STK36: variants seen among roughly 807,000 people sequenced by gnomAD.
The protein encoded by STK36 is serine/threonine-protein kinase 36.
A neutral mutation model predicts 142.2 loss-of-function variants in STK36; 116 were observed. The observed-to-expected ratio is 0.82, with a 90% CI of 0.70 to 0.95. The LOEUF (loss-of-function observed/expected upper bound fraction) is 0.95, where lower values mean the gene tolerates loss of function less well. Ranked by LOEUF, STK36 falls within the 40% of genes least tolerant of loss-of-function variation. STK36 has a pLI of 0.00. For synonymous variants in STK36, 619 were observed against 641.7 expected (o/e 0.96, Z 0.53); for missense variants, 1,422 against 1,617.2 (o/e 0.88, Z 2.07).
intron 12 of STK36, 101 bp from the exon 13 acceptor site, chr2:218,689,758 A>T: frequency 9.6e-7 from 1 of 1,043,388 alleles, no homozygotes. Context: ...TTTCTGTTTG[A>T]TCAACTTGAC....
At chr2:218,676,530 C>T (rs142695193) in intron 6 of STK36, among the ~76,000 whole-genome samples, 3 of 151,558 alleles carry the variant, frequency 2.0e-5, no homozygotes, top group African/African-American at 4.8e-5. Context: ...CCTCAGGAAA[C>T]TTACAATCAT....
At position 218,698,242 on chromosome 2, in the gene STK36, T is replaced by A. The variant is rs116717849; in HGVS notation, c.3057+241T>A. ...CATCACCTGGTTCTGTTGGTGCTCATTGGGGAGAACATCCTAGTCTAGGCA... is the reference window on the plus strand; with the variant it reads ...CATCACCTGGTTCTGTTGGTGCTCAATGGGGAGAACATCCTAGTCTAGGCA... On this transcript the variant is annotated intron_variant, in intron 25 of 26. Coordinates refer to ENST00000295709, the MANE Select transcript of STK36 (RefSeq NM_015690.5). Among the ~76,000 whole-genome samples, 1,039 of 152,292 alleles carry A rather than the reference T, an allele frequency of 6.8e-3. 14 individuals are homozygous for A. Among genetic ancestry groups the A allele is most frequent in the African/African-American group, 0.024 (1,000 of 41,564 alleles).
rs186634775 is a variant in STK36 at position 218,680,200 on chromosome 2, C to G, written c.1136+120C>G. The G allele has an allele frequency of 2.3e-4, 218 of 933,306 alleles. No individual in the cohort carries two copies. The African/African-American group carries it at 3.2e-3, about 14-fold the overall frequency. 57.8% of individuals were successfully genotyped at this position (933,306 alleles called of 1,614,324 possible). Reference sequence around the variant, plus strand: ...CACTGCCTAAACATGGATAGAGCCTCGAGAGTCTGAGTCCTGGATTCTTGG... The same window carrying G: ...CACTGCCTAAACATGGATAGAGCCTGGAGAGTCTGAGTCCTGGATTCTTGG... On this transcript the variant is annotated intron_variant, in intron 9 of 26. Coordinates refer to ENST00000295709, the MANE Select transcript of STK36 (RefSeq NM_015690.5).
At position 218,685,114 on chromosome 2, in the gene STK36, C is replaced by G; in HGVS notation, c.1266C>G (p.His422Gln). 1 of 1,614,144 alleles carries G rather than the reference C, an allele frequency of 6.2e-7. No homozygotes were observed. Among genetic ancestry groups the G allele is most frequent in the Non-Finnish European group, 8.5e-7 (1 of 1,180,020 alleles). Residue 422 changes from histidine (H) to glutamine (Q), a missense_variant, in exon 11 of 27, where the codon CAC (histidine) becomes CAG (glutamine). His to Gln is a conservative substitution (Grantham distance 24). This residue lies in a region of STK36 where 962 missense variants were observed against 1,167.5 expected (regional missense o/e 0.82). Coordinates refer to ENST00000295709, the MANE Select transcript of STK36 (RefSeq NM_015690.5). ...CAGACAGTGACAATGAGTGGCAGCA[C>G]CTGCTAGAGACCACTGAGCCTGTGC... The part of the protein sequence containing the change: ...EEPDSDNEWQ[H>Q]LLETTEPVPI...
chr2:218,679,436 C>G, intron 7 of STK36, 124 bp from the exon 8 acceptor site: 1 of 1,348,310 alleles, frequency 7.4e-7, no homozygotes, highest in Non-Finnish European at 1.0e-6. Flanking sequence ...CACTCTCTCT[C>G]TGTCACTTTT....
At chr2:218,693,572 C>T (rs1043434869) in intron 17 of STK36, 151 bp from the exon 18 acceptor site, 28 of 817,158 alleles carry the variant, frequency 3.4e-5, no homozygotes, top group Non-Finnish European at 5.2e-5. Flanking sequence ...GTCTCACTAT[C>T]TCATAGCAAG....
intron 7 of STK36, 46 bp downstream of exon 7, chr2:218,679,307 C>T (rs748530264): frequency 1.3e-6 from 2 of 1,548,402 alleles, no homozygotes; most frequent in Non-Finnish European, 1.8e-6. Flanking sequence ...CCAGTACTTC[C>T]TCTAAACTAC....
chr2:218,673,905 G>C lies in STK36; in HGVS notation c.252G>C (p.Glu84Asp). The C allele has an allele frequency of 1.2e-6, 2 of 1,614,144 alleles. No individual in the cohort carries two copies. Among genetic ancestry groups the C allele is most frequent in the Non-Finnish European group, 1.7e-6 (2 of 1,180,034 alleles). ...TGGTGGTGGTGACAGACTATGCTGA[G>C]GGAGAGCTCTTTCAGATCCTAGAAG... The part of the protein sequence containing the change: ...KEVVVVTDYA[E>D]GELFQILEDD... Residue 84 changes from glutamate to aspartate, a missense_variant, in exon 4 of 27, where the codon GAG becomes GAC. By Grantham distance (45) the Glu-to-Asp change is conservative (BLOSUM62 2). Around this residue, in one of 2 missense-constraint regions of STK36, gnomAD observed 460 missense variants for 449.6 expected, o/e 1.02. Coordinates refer to ENST00000295709, the MANE Select transcript of STK36 (RefSeq NM_015690.5).
intron 2 of STK36, 21 bp downstream of exon 2, chr2:218,672,934 C>T: frequency 6.2e-7 from 1 of 1,611,476 alleles, no homozygotes; most frequent in Non-Finnish European, 8.5e-7. Flanking sequence ...AAGAGGGATA[C>T]CTTTTGGGTG....
At position 218,698,634 on chromosome 2, in the gene STK36, G is replaced by A. The variant is rs1941325151; in HGVS notation, c.3090G>A (p.Val1030=). The change falls in exon 26 of 27, where the codon GTG becomes GTA. Residue 1030 remains valine (V), a synonymous_variant. Coordinates refer to ENST00000295709, the MANE Select transcript of STK36 (RefSeq NM_015690.5). ...GCTACCATCTTCCGTTGATGCAAGTGGAGCTGCCCATCAGCCTTCTCACAC... is the reference window on the plus strand; with the variant it reads ...GCTACCATCTTCCGTTGATGCAAGTAGAGCTGCCCATCAGCCTTCTCACAC... ...VCCYHLPLMQ[V]ELPISLLTRL... 6.2e-7 allele frequency: 1 copy of A among 1,613,942 alleles called. No homozygotes were observed. The highest frequency in any genetic ancestry group is 1.3e-5 in the African/African-American group (1 of 74,896).
chr2:218,696,782 C>A, intron 22 of STK36, 181 bp downstream of exon 22: 1 of 904,280 alleles, frequency 1.1e-6, no homozygotes, highest in Non-Finnish European at 1.8e-6. Context: ...GGAAACCATT[C>A]GCTGCGTCCC....
chr2:218,690,662 C>A, intron 14 of STK36, 107 bp downstream of exon 14: 1 of 907,430 alleles, frequency 1.1e-6, no homozygotes, highest in Non-Finnish European at 1.8e-6. Flanking sequence ...ATATGACAAA[C>A]ATTTGTTAAA....
chr2:218,696,946 C>T, intron 22 of STK36, 93 bp from the exon 23 acceptor site: 2 of 1,528,836 alleles, frequency 1.3e-6, no homozygotes, highest in Non-Finnish European at 1.8e-6. Context: ...TCTGGGACTT[C>T]CTTTACTTGT....
At position 218,676,245 on chromosome 2, in the gene STK36, G is replaced by A. The variant is rs921628866; in HGVS notation, c.651G>A (p.Val217=). 6.2e-7 allele frequency: 1 copy of A among 1,614,196 alleles called. No individual in the cohort carries two copies. The highest frequency in any genetic ancestry group is 1.3e-5 in the African/African-American group (1 of 75,040). The change falls in exon 6 of 27, where the codon GTG becomes GTA. Residue 217 remains valine (V), a synonymous_variant. Transcript: ENST00000295709. ...QLVSLILKDP[V]RWPSTISPCF... is the part of the protein sequence containing the mutation. ...TCAGCCTCATTCTCAAGGACCCTGT[G>A]CGCTGGCCCTCAACCATCAGTCCCT...
intron 6 of STK36, among the ~76,000 whole-genome samples, chr2:218,676,720 C>T (rs561061499): frequency 6.7e-6 from 1 of 148,852 alleles, no homozygotes; most frequent in East Asian, 2.0e-4. Context: ...GTGATCTTGG[C>T]TCACTGCAAG....
intron 25 of STK36, 79 bp downstream of exon 25, chr2:218,698,080 A>C: frequency 6.3e-7 from 1 of 1,582,914 alleles, no homozygotes; most frequent in Non-Finnish European, 8.6e-7. Context: ...CAGCAGCTCC[A>C]GGGCTCTTCT....
intron 25 of STK36, 94 bp downstream of exon 25, chr2:218,698,095 C>T (rs1424761055): frequency 1.3e-6 from 2 of 1,533,052 alleles, no homozygotes; most frequent in Admixed American, 3.6e-5. Flanking sequence ...TCTTCTAGGC[C>T]CCTGTAAGCA....
rs199608845 is a variant in STK36, at chr2:218,679,935, A to G, written c.991A>G (p.Thr331Ala). ...ACCTGCCCTTGAGCAAGAGGACAAG[A>G]CCAGCAAGGTGGCTCCTGGCACAGC... Reference protein sequence around the residue: ...TGPALEQEDKTSKVAPGTAPL... With the variant: ...TGPALEQEDKASKVAPGTAPL... The change falls in exon 9 of 27, where the codon ACC becomes GCC. Residue 331 changes from threonine to alanine, a missense_variant. Transcript: ENST00000295709. 2.5e-6 allele frequency: 4 copies of G among 1,614,058 alleles called. No individual in the cohort carries two copies. The African/African-American group carries it at 5.3e-5, about 22-fold the overall frequency.
chr2:218,701,136 C>CT (rs35602378), intron 26 of STK36, among the ~76,000 whole-genome samples: 68,738 of 142,726 alleles, frequency 0.48, 17,408 homozygotes, highest in African/African-American at 0.64. Flanking sequence ...TGGTGAAGAT[C>CT]TTTTTTTTTT....
Sources: gnomAD v4.1 joint callset for allele counts (sites outside exome capture counted in the v4.1 genomes callset) on GRCh38, gnomAD v4.1.1 for gene constraint, gnomAD v4.1.1 regional missense constraint, MANE v1.5 for transcripts, NCBI Gene and HGNC (gene_info 2026-07-23, HGNC 2026-07-21) for gene names.